SLC24A2: variants seen among roughly 807,000 people sequenced by gnomAD.
The protein encoded by SLC24A2 is solute carrier family 24 member 2.
In SLC24A2, 36 loss-of-function variants were observed where a neutral mutation model predicts 62.0. That is an observed-to-expected ratio of 0.58 (90% CI 0.44 to 0.77). The LOEUF is 0.77. Ranked by LOEUF, SLC24A2 falls within the 30% of genes least tolerant of loss-of-function variation. The pLI, the probability that SLC24A2 is intolerant of heterozygous loss-of-function variation, is 0.00. For missense variants in SLC24A2, 846 were observed against 817.9 expected (o/e 1.03, Z -0.42); for synonymous variants, 358 against 294.0 (o/e 1.22, Z -2.23).
the SLC24A2 span, among the ~76,000 whole-genome samples, chr9:20,094,627 T>C: frequency 3.3e-5 from 5 of 152,304 alleles, no homozygotes; most frequent in African/African-American, 1.2e-4. Context: ...GATTTGTGTA[T>C]GTCTTTTGAA....
chr9:20,290,536 C>A, the SLC24A2 span, among the ~76,000 whole-genome samples: 1 of 152,208 alleles, frequency 6.6e-6, no homozygotes, highest in Non-Finnish European at 1.5e-5. Flanking sequence ...CTGGCTGGTG[C>A]AAAATGTGTG....
chr9:19,826,573 G>A, the SLC24A2 span, among the ~76,000 whole-genome samples: 12 of 152,302 alleles, frequency 7.9e-5, no homozygotes, highest in Non-Finnish European at 1.0e-4. Flanking sequence ...GGTGAGGGCC[G>A]TCTCTGCCTG....
chr9:19,576,809 T>G, intron 6 of SLC24A2, 115 bp downstream of exon 6: 1 of 682,514 alleles, frequency 1.5e-6, no homozygotes, highest in Non-Finnish European at 2.5e-6. Flanking sequence ...GGAAGGGCTG[T>G]GCTGCAGCGG....
the SLC24A2 span, among the ~76,000 whole-genome samples, chr9:20,100,425 C>T: frequency 1.3e-5 from 2 of 152,134 alleles, no homozygotes; most frequent in African/African-American, 4.8e-5. Flanking sequence ...CCAGATGTTC[C>T]ATATTAGGTT....
intron 3 of SLC24A2, among the ~76,000 whole-genome samples, chr9:19,620,832 G>A (rs1817891392): frequency 6.6e-6 from 1 of 152,130 alleles, no homozygotes; most frequent in Non-Finnish European, 1.5e-5. Context: ...TAAATTTTCT[G>A]GGGCAGGTAA....
At chr9:20,265,402 CATTT>C in the SLC24A2 span, among the ~76,000 whole-genome samples, 2 of 152,196 alleles carry the variant, frequency 1.3e-5, no homozygotes, top group Non-Finnish European at 2.9e-5. Flanking sequence ...ATTTCATGGA[CATTT>C]ATTAGATCCC....
chr9:19,645,809 G>A (rs1818623833), intron 2 of SLC24A2, among the ~76,000 whole-genome samples: 1 of 152,154 alleles, frequency 6.6e-6, no homozygotes, highest in Admixed American at 6.5e-5. Context: ...TTTCTAGTCT[G>A]CAAACAATTT....
the SLC24A2 span, among the ~76,000 whole-genome samples, chr9:20,108,767 G>T: frequency 6.6e-6 from 1 of 151,942 alleles, no homozygotes; most frequent in African/African-American, 2.4e-5. Flanking sequence ...GTTAATGGGT[G>T]CAGCACACCA....
intron 2 of SLC24A2, among the ~76,000 whole-genome samples, chr9:19,726,733 C>T (rs1239776102): frequency 1.3e-5 from 2 of 152,176 alleles, no homozygotes; most frequent in Non-Finnish European, 2.9e-5. Flanking sequence ...GTTAACATAG[C>T]TAAATTCATT....
chr9:20,065,342 A>T, the SLC24A2 span, among the ~76,000 whole-genome samples: 1 of 152,196 alleles, frequency 6.6e-6, no homozygotes, highest in African/African-American at 2.4e-5. Flanking sequence ...ACAGGCTGGG[A>T]CAGGTTCCCA....
At chr9:20,022,710 T>C in the SLC24A2 span, among the ~76,000 whole-genome samples, 1 of 152,222 alleles carries the variant, frequency 6.6e-6, no homozygotes, top group Non-Finnish European at 1.5e-5. Context: ...GCAAAGAATG[T>C]TGGTTGACTG....
rs560079785 is a variant in SLC24A2 at position 19,562,511 on chromosome 9, C to A, written c.1347+10840G>T. Reference sequence around the variant, plus strand: ...TAAGGCAGAAACTCTAGAGTCTGATCTGTATCTATTTCATCTTTTAAATGT... The same window carrying A: ...TAAGGCAGAAACTCTAGAGTCTGATATGTATCTATTTCATCTTTTAAATGT... On this transcript the variant is annotated intron_variant, in intron 7 of 10. Coordinates refer to ENST00000341998, the MANE Select transcript of SLC24A2 (RefSeq NM_020344.4). Among the ~76,000 whole-genome samples, 3 of 152,254 alleles carry A rather than the reference C, an allele frequency of 2.0e-5. No individual in the cohort carries two copies. In the South Asian group the frequency reaches 6.2e-4, roughly 32 times the overall value.
chr9:20,282,319 T>C, the SLC24A2 span, among the ~76,000 whole-genome samples: 6 of 152,172 alleles, frequency 3.9e-5, no homozygotes, highest in Non-Finnish European at 8.8e-5. Flanking sequence ...AAATAAACTC[T>C]TTTTCATTGA....
intron 10 of SLC24A2, among the ~76,000 whole-genome samples, chr9:19,518,592 T>C (rs1833048835): frequency 6.6e-6 from 1 of 152,088 alleles, no homozygotes; most frequent in Non-Finnish European, 1.5e-5. Context: ...TAGATAATTT[T>C]TGTATTTTCA....
the SLC24A2 span, among the ~76,000 whole-genome samples, chr9:20,087,816 A>G: frequency 2.4e-4 from 37 of 152,184 alleles, no homozygotes; most frequent in Non-Finnish European, 4.3e-4. Context: ...TCATCAAGAA[A>G]ACAACCCAAC....
At chr9:19,868,938 A>G in the SLC24A2 span, among the ~76,000 whole-genome samples, 1 of 151,542 alleles carries the variant, frequency 6.6e-6, no homozygotes, top group African/African-American at 2.4e-5. Context: ...CTGCTTTTTG[A>G]GTGGGTGTTT....
chr9:19,665,493 T>C (rs1194882908), intron 2 of SLC24A2, among the ~76,000 whole-genome samples: 1 of 152,102 alleles, frequency 6.6e-6, no homozygotes, highest in African/African-American at 2.4e-5. Flanking sequence ...TCAATTGAAA[T>C]GCATTGGTGG....
chr9:20,090,934 C>A, the SLC24A2 span, among the ~76,000 whole-genome samples: 24 of 151,440 alleles, frequency 1.6e-4, no homozygotes, highest in African/African-American at 5.8e-4. Context: ...AACAGCAAAA[C>A]CCAATCCAAG....
chr9:20,125,311 C>A, the SLC24A2 span, among the ~76,000 whole-genome samples: 6 of 152,058 alleles, frequency 3.9e-5, no homozygotes, highest in African/African-American at 1.4e-4. Flanking sequence ...GAAACTAAGG[C>A]TCAGAGAAGG....
Sources: gnomAD v4.1 joint callset for allele counts (sites outside exome capture counted in the v4.1 genomes callset) on GRCh38, gnomAD v4.1.1 for gene constraint, MANE v1.5 for transcripts, NCBI Gene and HGNC (gene_info 2026-07-23, HGNC 2026-07-21) for gene names.